AK5: variants seen among roughly 807,000 people sequenced by gnomAD.
AK5 encodes the protein adenylate kinase 5, also known as adenylate kinase isoenzyme 5.
Under a neutral mutation model 69.5 loss-of-function variants are expected in AK5, and 27 were observed. The observed-to-expected ratio is 0.39, with a 90% confidence interval of 0.29 to 0.54. The LOEUF is 0.54. Among genes scored for constraint, AK5 ranks in the 20% least tolerant of loss-of-function variants. The pLI, the probability that AK5 is intolerant of heterozygous loss-of-function variation, is 0.71. For missense variants in AK5, 531 were observed against 700.4 expected, an observed-to-expected ratio of 0.76 and a Z score of 2.73; for synonymous variants, 260 against 244.4, an observed-to-expected ratio of 1.06 and a Z score of -0.60.
intron 6 of AK5, among the ~76,000 whole-genome samples, chr1:77,368,274 T>TAA (rs1557535738): frequency 7.0e-4 from 41 of 58,334 alleles, no homozygotes; most frequent in Non-Finnish European, 1.1e-3. Flanking sequence ...TATATATATG[T>TAA]TATATATGTT....
intron 13 of AK5, among the ~76,000 whole-genome samples, chr1:77,551,324 A>G (rs1160638876): frequency 6.6e-6 from 1 of 152,160 alleles, no homozygotes; most frequent in Admixed American, 6.6e-5. Context: ...GGAGGATCCC[A>G]GATAACTTCA....
At position 77,559,325 on chromosome 1, in the gene AK5, C is replaced by CTATT. The variant is rs757413588; in HGVS notation, c.*656_*659dup. On this transcript the variant is annotated 3_prime_UTR_variant, in exon 14 of 14. Coordinates refer to ENST00000354567, the MANE Select transcript of AK5 (RefSeq NM_174858.3). ...CCAGGTTAGTCATCAGTAACCTTCT[C>CTATT]TATTATTATTATTTTTTAGAAACTT... is the stretch of plus-strand genomic sequence containing the variant. The CTATT allele has an allele frequency of 6.6e-6, 1 of 151,668 alleles. No homozygotes were observed. The allele number at this position is 151,668 out of a possible 1,614,324, so 9.4% of individuals were successfully genotyped here.
At chr1:77,498,063 T>G (rs1440102340) in intron 10 of AK5, among the ~76,000 whole-genome samples, 1 of 152,064 alleles carries the variant, frequency 6.6e-6, no homozygotes, top group Non-Finnish European at 1.5e-5. Flanking sequence ...GGAAGAGAGC[T>G]AAGACCTGAA....
At chr1:77,537,821 A>G (rs1659052612) in intron 13 of AK5, among the ~76,000 whole-genome samples, 1 of 152,182 alleles carries the variant, frequency 6.6e-6, no homozygotes, top group Non-Finnish European at 1.5e-5. Context: ...TGAGTGTCAA[A>G]TATGTGGCAT....
chr1:77,554,534 C>T (rs568853114), intron 13 of AK5, among the ~76,000 whole-genome samples: 5 of 152,324 alleles, frequency 3.3e-5, no homozygotes, highest in South Asian at 4.1e-4. Flanking sequence ...ATCCCAGGCA[C>T]GCCTCATACA....
intron 1 of AK5, chr1:77,283,448 G>A (rs922018020): frequency 4.1e-6 from 4 of 985,216 alleles, no homozygotes; most frequent in African/African-American, 1.7e-5. Flanking sequence ...CCCGGTTTGG[G>A]GGATTTGTTC....
intron 8 of AK5, among the ~76,000 whole-genome samples, chr1:77,437,681 G>C: frequency 6.6e-6 from 1 of 152,214 alleles, no homozygotes; most frequent in East Asian, 1.9e-4. Flanking sequence ...AAAATACCCC[G>C]GTGGCCTTGA....
intron 6 of AK5, among the ~76,000 whole-genome samples, chr1:77,400,829 A>C (rs1649162954): frequency 6.6e-6 from 1 of 151,782 alleles, no homozygotes; most frequent in South Asian, 2.1e-4. Flanking sequence ...TGTTTTACTC[A>C]GATATACACA....
chr1:77,418,224 G>A (rs555750005), intron 8 of AK5, among the ~76,000 whole-genome samples: 13 of 152,198 alleles, frequency 8.5e-5, no homozygotes, highest in Non-Finnish European at 1.5e-4. Flanking sequence ...ACAAGGAGGA[G>A]CAAGTCACAT....
intron 6 of AK5, among the ~76,000 whole-genome samples, chr1:77,345,144 C>G (rs544011955): frequency 3.8e-4 from 58 of 152,202 alleles, no homozygotes; most frequent in African/African-American, 1.4e-3. Flanking sequence ...AAAAATGCTA[C>G]TGAATATTGG....
At chr1:77,340,294 A>G in intron 5 of AK5, 83 bp from the exon 6 acceptor site, 4 of 1,368,200 alleles carry the variant, frequency 2.9e-6, no homozygotes, top group Non-Finnish European at 3.0e-6. Flanking sequence ...GCCTCCACAG[A>G]ACAAAAGGAA....
chr1:77,464,353 G>A (rs1048525409), intron 8 of AK5, among the ~76,000 whole-genome samples: 1 of 152,186 alleles, frequency 6.6e-6, no homozygotes, highest in Non-Finnish European at 1.5e-5. Context: ...ACCCCAGTGC[G>A]CAGGCCGGTT....
chr1:77,354,886 C>G (rs142220033), intron 6 of AK5, among the ~76,000 whole-genome samples: 1 of 152,198 alleles, frequency 6.6e-6, no homozygotes, highest in East Asian at 1.9e-4. Context: ...AAGAAAAAAT[C>G]TTGTATCTTA....
intron 10 of AK5, among the ~76,000 whole-genome samples, chr1:77,500,435 CA>C (rs66480557): frequency 0.38 from 57,453 of 151,758 alleles, 11,299 homozygotes; most frequent in Middle Eastern, 0.51. Context: ...CACCATCCTT[CA>C]AAGAATGGAG....
rs185240577 is a variant in AK5 at position 77,415,551 on chromosome 1, C to T, written c.983-2088C>T. 1.1e-4 allele frequency among the ~76,000 whole-genome samples: 16 copies of T among 152,248 alleles called. No individual in the cohort carries two copies. In the East Asian group the frequency reaches 2.9e-3, roughly 28 times the overall value. Reference sequence around the variant, plus strand: ...AAAATTTGTGTTATCTTTAATGATGCTTTCAATAGCAGCCACCTAGAAGGG... The same window carrying T: ...AAAATTTGTGTTATCTTTAATGATGTTTTCAATAGCAGCCACCTAGAAGGG... On this transcript the variant is annotated intron_variant, in intron 7 of 13. Coordinates refer to ENST00000354567, the MANE Select transcript of AK5 (RefSeq NM_174858.3).
chr1:77,350,420 G>A (rs1292151344), intron 6 of AK5, among the ~76,000 whole-genome samples: 3 of 152,196 alleles, frequency 2.0e-5, no homozygotes, highest in Admixed American at 1.3e-4. Context: ...ACTGAGCAAG[G>A]CACTGAAGTG....
At chr1:77,355,868 TACACAC>T (rs66682700) in intron 6 of AK5, among the ~76,000 whole-genome samples, 3,873 of 146,118 alleles carry the variant, frequency 0.027, 57 homozygotes, top group Middle Eastern at 0.052. Context: ...CCTCATTAAA[TACACAC>T]ACACACACAC....
rs1379571217 is a variant in AK5 at position 77,323,314 on chromosome 1, C to G, written c.700-17063C>G. 2.0e-5 allele frequency among the ~76,000 whole-genome samples: 3 copies of G among 152,210 alleles called. No individual in the cohort carries two copies. In the South Asian group the frequency reaches 6.2e-4, roughly 32 times the overall value. On this transcript the variant is annotated intron_variant, in intron 5 of 13. Coordinates refer to ENST00000354567, the MANE Select transcript of AK5 (RefSeq NM_174858.3). ...GCCTGTTTTTCTTTATAGTCATCTC[C>G]TTATAACTGTTTCCCATGCATGTAA...
At position 77,321,233 on chromosome 1, in the gene AK5, A is replaced by C. The variant is rs187166507; in HGVS notation, c.700-19144A>C. ...ACTCCTATAATCCCAGCATTTTGGG[A>C]GGCTGAGGTGGGCGGATCACCTGAG... On this transcript the variant is annotated intron_variant, in intron 5 of 13. Coordinates refer to ENST00000354567, the MANE Select transcript of AK5 (RefSeq NM_174858.3). Among the ~76,000 whole-genome samples, 842 of 152,258 alleles carry C rather than the reference A, an allele frequency of 5.5e-3. 6 individuals carry two copies. The highest frequency in any genetic ancestry group is 0.019 in the African/African-American group (780 of 41,562).
Sources: gnomAD v4.1 joint callset for allele counts (sites outside exome capture counted in the v4.1 genomes callset) on GRCh38, gnomAD v4.1.1 for gene constraint, MANE v1.5 for transcripts, NCBI Gene and HGNC (gene_info 2026-07-23, HGNC 2026-07-21) for gene names.